Variants in MAF observed in about 807,000 individuals in gnomAD.
MAF encodes the protein MAF bZIP transcription factor, also known as transcription factor Maf.
In MAF, 10 loss-of-function variants were observed where a neutral mutation model predicts 22.0. The observed-to-expected ratio is 0.45, with a 90% confidence interval of 0.28 to 0.77. MAF has a LOEUF of 0.77. Among genes scored for constraint, MAF ranks in the 30% least tolerant of loss-of-function variants. MAF has a pLI of 0.12. For synonymous variants in MAF, 337 were observed against 255.8 expected, an observed-to-expected ratio of 1.32 and a Z score of -3.03; for missense variants, 544 against 548.4, an observed-to-expected ratio of 0.99 and a Z score of 0.08.
At chr16:79,467,908 T>G in the MAF span, among the ~76,000 whole-genome samples, 1 of 150,442 alleles carries the variant, frequency 6.6e-6, no homozygotes, top group African/African-American at 2.5e-5. Flanking sequence ...TATTCTCAAG[T>G]AAGTGCATGA....
the MAF span, among the ~76,000 whole-genome samples, chr16:79,355,894 C>A: frequency 6.6e-6 from 1 of 152,094 alleles, no homozygotes; most frequent in Non-Finnish European, 1.5e-5. Flanking sequence ...CCAAATTGAA[C>A]GTACATGAGT....
At chr16:79,471,008 T>C in the MAF span, among the ~76,000 whole-genome samples, 1 of 152,226 alleles carries the variant, frequency 6.6e-6, no homozygotes, top group East Asian at 1.9e-4. Flanking sequence ...GTCATGTTCA[T>C]ATCACATCAC....
the MAF span, among the ~76,000 whole-genome samples, chr16:79,459,015 G>T: frequency 2.6e-5 from 4 of 152,268 alleles, no homozygotes; most frequent in Non-Finnish European, 4.4e-5. Flanking sequence ...AAAATGAGTT[G>T]TGGAACATTT....
the MAF span, among the ~76,000 whole-genome samples, chr16:79,270,823 C>G: frequency 6.6e-6 from 1 of 152,024 alleles, no homozygotes; most frequent in Admixed American, 6.6e-5. Flanking sequence ...CTGACCACAA[C>G]CCTATACACA....
the MAF span, among the ~76,000 whole-genome samples, chr16:79,419,603 A>G: frequency 6.6e-6 from 1 of 152,170 alleles, no homozygotes; most frequent in South Asian, 2.1e-4. Context: ...TGTTCTGGAA[A>G]AACAAGATCT....
At chr16:79,470,806 G>C in the MAF span, among the ~76,000 whole-genome samples, 1 of 152,172 alleles carries the variant, frequency 6.6e-6, no homozygotes, top group African/African-American at 2.4e-5. Context: ...ACGGATGAAT[G>C]GATGACTGAA....
At chr16:79,304,193 G>A in the MAF span, among the ~76,000 whole-genome samples, 113 of 152,300 alleles carry the variant, frequency 7.4e-4, 2 homozygotes, top group African/African-American at 2.5e-3. Flanking sequence ...AATCCATTTG[G>A]TTGTGACCTG....
chr16:79,410,629 T>G, the MAF span, among the ~76,000 whole-genome samples: 2 of 152,154 alleles, frequency 1.3e-5, no homozygotes, highest in African/African-American at 2.4e-5. Context: ...TGGCAACCAG[T>G]AACATGCATG....
chr16:79,260,485 C>CTATATCTA, the MAF span, among the ~76,000 whole-genome samples: 3 of 150,394 alleles, frequency 2.0e-5, no homozygotes, highest in East Asian at 1.9e-4. Context: ...ATATCTATAT[C>CTATATCTA]TATATCTATA....
chr16:79,595,797 T>G, intron 1 of MAF: 3 of 1,057,480 alleles, frequency 2.8e-6, no homozygotes, highest in Non-Finnish European at 3.4e-6. Flanking sequence ...AGAGAAGTTC[T>G]CCACTGAATA....
the MAF span, among the ~76,000 whole-genome samples, chr16:79,565,757 G>T: frequency 6.6e-6 from 1 of 152,162 alleles, no homozygotes; most frequent in East Asian, 1.9e-4. Context: ...CCAGTCCCAG[G>T]TATGTGTTTA....
chr16:79,331,561 C>T, the MAF span, among the ~76,000 whole-genome samples: 366 of 152,296 alleles, frequency 2.4e-3, 1 homozygote, highest in African/African-American at 7.9e-3. Context: ...TCTTCTTACA[C>T]GAGCCACCCG....
the MAF span, among the ~76,000 whole-genome samples, chr16:79,567,009 G>C: frequency 9.9e-5 from 15 of 152,178 alleles, no homozygotes; most frequent in Admixed American, 9.8e-4. Context: ...TATAAAGAAA[G>C]ACTACCTACA....
chr16:79,393,891 A>T, the MAF span, among the ~76,000 whole-genome samples: 2 of 152,230 alleles, frequency 1.3e-5, no homozygotes, highest in African/African-American at 4.8e-5. Context: ...GATGATAATG[A>T]AGTTAACAAT....
At chr16:79,236,289 G>A in the MAF span, among the ~76,000 whole-genome samples, 1 of 151,976 alleles carries the variant, frequency 6.6e-6, no homozygotes, top group Non-Finnish European at 1.5e-5. Context: ...GGCAACAGCG[G>A]GACACAGTCT....
the MAF span, among the ~76,000 whole-genome samples, chr16:79,319,445 G>A: frequency 3.2e-4 from 48 of 152,180 alleles, no homozygotes; most frequent in African/African-American, 9.2e-4. Flanking sequence ...CCGGATATTA[G>A]CTAGTGGATT....
chr16:79,333,285 C>A, the MAF span, among the ~76,000 whole-genome samples: 2 of 152,114 alleles, frequency 1.3e-5, no homozygotes, highest in Non-Finnish European at 2.9e-5. Flanking sequence ...GTGGATCTGA[C>A]CCCACCTGAG....
At chr16:79,519,194 G>A in the MAF span, among the ~76,000 whole-genome samples, 3 of 152,040 alleles carry the variant, frequency 2.0e-5, no homozygotes, top group Non-Finnish European at 1.5e-5. Flanking sequence ...TCACTGACTT[G>A]TCCAAGCCCC....
the MAF span, among the ~76,000 whole-genome samples, chr16:79,569,857 G>T: frequency 6.6e-6 from 1 of 152,112 alleles, no homozygotes; most frequent in African/African-American, 2.4e-5. Flanking sequence ...AGGGAGGCAG[G>T]GGTCAAAGTA....
Sources: gnomAD v4.1 joint callset for allele counts (sites outside exome capture counted in the v4.1 genomes callset) on GRCh38, gnomAD v4.1.1 for gene constraint, MANE v1.5 for transcripts, NCBI Gene and HGNC (gene_info 2026-07-23, HGNC 2026-07-21) for gene names.